CD44: variants seen among roughly 807,000 people sequenced by gnomAD.
The protein encoded by CD44 is CD44 molecule (IN blood group).
A neutral mutation model predicts 88.8 loss-of-function variants in CD44; 49 were observed. The observed-to-expected ratio is 0.55, with a 90% CI of 0.44 to 0.70. The LOEUF (loss-of-function observed/expected upper bound fraction) is 0.70, where lower values mean the gene tolerates loss of function less well. Among genes scored for constraint, CD44 ranks in the 30% least tolerant of loss-of-function variants. CD44 has a pLI of 0.00. For missense variants in CD44, 883 were observed against 913.8 expected (o/e 0.97, Z 0.43); for synonymous variants, 325 against 312.3 (o/e 1.04, Z -0.43).
intron 1 of CD44, among the ~76,000 whole-genome samples, chr11:35,171,678 C>T (rs1162247095): frequency 1.3e-5 from 2 of 152,198 alleles, no homozygotes; most frequent in African/African-American, 4.8e-5. Context: ...TCAACATAAG[C>T]ACCATCACAT....
Position 35,150,045 on chromosome 11 carries a change from A to G in CD44, c.67+10675A>G, listed in dbSNP as rs373211468. Among the ~76,000 whole-genome samples, 11 of 148,062 alleles carry G rather than the reference A, an allele frequency of 7.4e-5. No individual in the cohort carries two copies. In the East Asian group the frequency reaches 1.4e-3, roughly 18 times the overall value. On this transcript the variant is annotated intron_variant, in intron 1 of 17. Transcript: ENST00000428726. ...TCCTGGGATTAACTGCAGGATCTGA[A>G]CACTGTACTCTTTATATTGTACTTT...
chr11:35,172,253 TA>T (rs1469143092), intron 1 of CD44, among the ~76,000 whole-genome samples: 1 of 152,202 alleles, frequency 6.6e-6, no homozygotes, highest in Non-Finnish European at 1.5e-5. Flanking sequence ...ATCACACACA[TA>T]AGGCCATGTT....
intron 8 of CD44, 163 bp from the exon 9 acceptor site, chr11:35,201,508 T>A: frequency 1.4e-6 from 1 of 736,280 alleles, no homozygotes; most frequent in Non-Finnish European, 2.2e-6. Flanking sequence ...TGATTTTCTC[T>A]TGAGACCAAT....
At position 35,190,076 on chromosome 11, in the gene CD44, T is replaced by G. The variant is rs1946120859; in HGVS notation, c.667+11T>G. 6.2e-7 allele frequency: 1 copy of G among 1,605,098 alleles called. No individual in the cohort carries two copies. The highest frequency in any genetic ancestry group is 1.3e-5 in the African/African-American group (1 of 74,748). ...GAATCCCTGCTACCAGTAAGGAGAA[T>G]AAATCACTGTGCTTCCCAATAGCAA... On this transcript the variant is annotated intron_variant, in intron 5 of 17. Transcript: ENST00000428726.
chr11:35,145,589 G>A (rs1858976491), intron 1 of CD44, among the ~76,000 whole-genome samples: 1 of 152,084 alleles, frequency 6.6e-6, no homozygotes, highest in Non-Finnish European at 1.5e-5. Context: ...GAGCCAGTGA[G>A]ATGAGGACAC....
chr11:35,206,659 T>TG (rs1947873372), intron 11 of CD44, among the ~76,000 whole-genome samples: 2 of 42,260 alleles, frequency 4.7e-5, no homozygotes, highest in Admixed American at 2.0e-4. Context: ...AAGTGGGTGG[T>TG]GGGGGTTGGT....
chr11:35,187,017 A>G, intron 4 of CD44, 117 bp downstream of exon 4: 1 of 682,714 alleles, frequency 1.5e-6, no homozygotes, highest in African/African-American at 1.8e-5. Flanking sequence ...TCACTCCTGT[A>G]ATCCCAGCAC....
At chr11:35,156,276 A>G (rs1941852667) in intron 1 of CD44, among the ~76,000 whole-genome samples, 1 of 152,180 alleles carries the variant, frequency 6.6e-6, no homozygotes, top group Non-Finnish European at 1.5e-5. Context: ...CCACACAGTT[A>G]GCTCATGAAT....
At chr11:35,149,594 T>C (rs1859911276) in intron 1 of CD44, among the ~76,000 whole-genome samples, 3 of 152,220 alleles carry the variant, frequency 2.0e-5, no homozygotes, top group Admixed American at 2.0e-4. Context: ...GGCAAAGTAT[T>C]TCACCCCCAT....
intron 11 of CD44, among the ~76,000 whole-genome samples, chr11:35,206,668 G>GAGA (rs138135425): frequency 8.1e-6 from 1 of 123,830 alleles, no homozygotes; most frequent in African/African-American, 4.0e-5. Context: ...GTGGGGGTTG[G>GAGA]TGGGGGGGGC....
chr11:35,198,483 G>A (rs758233452), intron 7 of CD44: 2 of 476,472 alleles, frequency 4.2e-6, no homozygotes, highest in Non-Finnish European at 7.5e-6. Context: ...ATTTATCTAT[G>A]GGATCTACTG....
intron 12 of CD44, among the ~76,000 whole-genome samples, chr11:35,209,269 G>T (rs962456479): frequency 6.6e-6 from 1 of 152,196 alleles, no homozygotes; most frequent in Non-Finnish European, 1.5e-5. Flanking sequence ...TATGGGCAAT[G>T]GGTCAACCTC....
At chr11:35,209,218 C>T (rs1441819644) in intron 12 of CD44, among the ~76,000 whole-genome samples, 1 of 152,082 alleles carries the variant, frequency 6.6e-6, no homozygotes, top group African/African-American at 2.4e-5. Flanking sequence ...CTTAAAAGAA[C>T]ACAAAAGAAA....
At chr11:35,208,670 G>C (rs922342450) in intron 12 of CD44, among the ~76,000 whole-genome samples, 1 of 152,118 alleles carries the variant, frequency 6.6e-6, no homozygotes, top group Non-Finnish European at 1.5e-5. Flanking sequence ...GAGAGGCAAG[G>C]CATGTTATTG....
intron 1 of CD44, among the ~76,000 whole-genome samples, chr11:35,163,312 CACTT>C (rs1486800552): frequency 1.3e-5 from 2 of 151,694 alleles, no homozygotes; most frequent in South Asian, 2.1e-4. Flanking sequence ...CATGCACACT[CACTT>C]GCTTGCATTC....
intron 1 of CD44, among the ~76,000 whole-genome samples, chr11:35,152,945 C>T: frequency 6.6e-6 from 1 of 152,000 alleles, no homozygotes; most frequent in East Asian, 1.9e-4. Context: ...CTGAGCTGGG[C>T]CCATGCAGCA....
intron 14 of CD44, chr11:35,213,467 A>G (rs1197765237): frequency 1.3e-5 from 2 of 152,268 alleles, no homozygotes; most frequent in African/African-American, 2.4e-5. Flanking sequence ...CCTGGCCAAC[A>G]TGGCGAAACC....
chr11:35,178,929 C>T (rs1165579382), intron 2 of CD44, among the ~76,000 whole-genome samples: 4 of 152,202 alleles, frequency 2.6e-5, no homozygotes, highest in African/African-American at 9.7e-5. Context: ...GGACAGATGG[C>T]AGAGTCTCAT....
intron 3 of CD44, among the ~76,000 whole-genome samples, chr11:35,186,163 G>A (rs1218897199): frequency 7.2e-5 from 11 of 152,206 alleles, no homozygotes; most frequent in Non-Finnish European, 1.5e-4. Flanking sequence ...AACATGCTGA[G>A]AAGCAGTCTA....
Sources: allele counts gnomAD v4.1 joint callset (sites outside exome capture counted in the v4.1 genomes callset), GRCh38; gene constraint gnomAD v4.1.1; transcripts MANE v1.5; gene names NCBI Gene and HGNC (gene_info 2026-07-23, HGNC 2026-07-21).